The following ELP1 variants were observed in gnomAD, a reference collection of about 807,000 sequenced individuals.
ELP1 encodes the protein elongator acetyltransferase complex subunit 1.
ELP1 carries 131 observed loss-of-function variants against 183.2 expected under a neutral mutation model. The ratio of observed to expected loss-of-function variants is 0.72; its 90% CI spans 0.62 to 0.83. The LOEUF (loss-of-function observed/expected upper bound fraction) is 0.83. Ranked by LOEUF, ELP1 falls within the 40% of genes least tolerant of loss-of-function variation. The probability of loss-of-function intolerance (pLI) is 0.00; values close to 1 mark genes in which losing one functional copy is unlikely to be tolerated. For missense variants in ELP1, 1,550 were observed against 1,594.9 expected (o/e 0.97, Z 0.48); for synonymous variants, 555 against 569.0 (o/e 0.98, Z 0.35).
At chr9:108,909,264 T>C (rs907153848) in intron 12 of ELP1, among the ~76,000 whole-genome samples, 1 of 152,154 alleles carries the variant, frequency 6.6e-6, no homozygotes, top group Non-Finnish European at 1.5e-5. Flanking sequence ...ATTTAATTGA[T>C]ATCTTTTGTC....
chr9:108,905,870 C>CAT (rs767368677), intron 14 of ELP1, among the ~76,000 whole-genome samples: 1 of 33,706 alleles, frequency 3.0e-5, no homozygotes, highest in East Asian at 5.8e-4. Flanking sequence ...GGTATGTATA[C>CAT]ACACACACAC....
rs374849639 is a variant in ELP1, at chr9:108,869,207, T to C, written c.3932-25A>G. 6 of 1,603,716 alleles carry C rather than the reference T, an allele frequency of 3.7e-6. No homozygotes were observed. In the South Asian group the frequency reaches 4.4e-5, roughly 12 times the overall value. On this transcript the variant is annotated intron_variant, in intron 36 of 36. Coordinates refer to ENST00000374647, the MANE Select transcript of ELP1 (RefSeq NM_003640.5). Reference sequence around the variant, plus strand: ...TCTAAAAGCAAGAAAGGAAGGGAAATTGTGACAGACATACTCTTGTTGGAG... The same window carrying C: ...TCTAAAAGCAAGAAAGGAAGGGAAACTGTGACAGACATACTCTTGTTGGAG...
At chr9:108,929,714 A>T in intron 3 of ELP1, 55 bp downstream of exon 3, 2 of 1,564,444 alleles carry the variant, frequency 1.3e-6, no homozygotes, top group Non-Finnish European at 8.8e-7. Flanking sequence ...ACAAATAGCA[A>T]GTAACCTATT....
rs749704610 is a variant in ELP1, at chr9:108,906,460, G to C, written c.1486C>G (p.Gln496Glu). The C allele has an allele frequency of 3.1e-6, 5 of 1,613,760 alleles. No individual in the cohort carries two copies. Among genetic ancestry groups the C allele is most frequent in the African/African-American group, 1.3e-5 (1 of 74,994 alleles). ...YKIQFENNED[Q>E]DVNPLKLGLL... ...CCTAGTTTCAGCGGGTTTACATCTT[G>C]ATCTTCATTATTCTCAAACTGGATT... The change falls in exon 14 of 37, where the codon CAA becomes GAA. Residue 496 changes from glutamine (Q) to glutamate (E), a missense_variant. By Grantham distance (29) the Gln-to-Glu change is conservative. Coordinates refer to ENST00000374647, the MANE Select transcript of ELP1 (RefSeq NM_003640.5).
chr9:108,870,784 G>A (rs1827419375), intron 36 of ELP1, among the ~76,000 whole-genome samples: 1 of 152,076 alleles, frequency 6.6e-6, no homozygotes, highest in Non-Finnish European at 1.5e-5. Flanking sequence ...TGAATAATTG[G>A]AACCTTTGGA....
At chr9:108,901,249 G>C (rs1828792229) in intron 18 of ELP1, among the ~76,000 whole-genome samples, 176 bp downstream of exon 18, 1 of 152,158 alleles carries the variant, frequency 6.6e-6, no homozygotes, top group African/African-American at 2.4e-5. Flanking sequence ...AGTGCAGAAT[G>C]ATTTAACTGA....
At chr9:108,880,313 C>T (rs1221436668) in intron 31 of ELP1, 148 bp from the exon 32 acceptor site, 1 of 665,290 alleles carries the variant, frequency 1.5e-6, no homozygotes, top group South Asian at 1.6e-5. Flanking sequence ...CCTTAATAAG[C>T]ATTAACAAAT....
At chr9:108,930,186 T>C (rs1044120647) in intron 2 of ELP1, among the ~76,000 whole-genome samples, 7 of 152,230 alleles carry the variant, frequency 4.6e-5, no homozygotes, top group Middle Eastern at 6.8e-3. Flanking sequence ...TCCACTAAAA[T>C]ATGATGCTAA....
intron 5 of ELP1, among the ~76,000 whole-genome samples, chr9:108,923,486 G>C (rs1829729073): frequency 6.6e-6 from 1 of 152,156 alleles, no homozygotes; most frequent in South Asian, 2.1e-4. Context: ...CATATTCCAA[G>C]TTTCTTTGAT....
rs563873707 is a variant in ELP1, at chr9:108,869,696, G to C, written c.3932-514C>G. On this transcript the variant is annotated intron_variant, in intron 36 of 36. Coordinates refer to ENST00000374647, the MANE Select transcript of ELP1 (RefSeq NM_003640.5). ...GCTTTAAAAAAAGTGAATGGAGAGA[G>C]AGGGTTAGGAAAAGATTCTGTCATT... Among the ~76,000 whole-genome samples, 7 of 152,282 alleles carry C rather than the reference G, an allele frequency of 4.6e-5. No individual in the cohort carries two copies. The South Asian group carries it at 8.3e-4, about 18-fold the overall frequency.
At chr9:108,921,329 G>C (rs146270611) in intron 6 of ELP1, among the ~76,000 whole-genome samples, 2,392 of 151,654 alleles carry the variant, frequency 0.016, 31 homozygotes, top group Non-Finnish European at 0.025. Flanking sequence ...TGCCCCTTCT[G>C]GGCACTTCAT....
At chr9:108,892,100 A>G (rs991963633) in intron 27 of ELP1, among the ~76,000 whole-genome samples, 1 of 152,212 alleles carries the variant, frequency 6.6e-6, no homozygotes, top group African/African-American at 2.4e-5. Flanking sequence ...TAAGGAGCCC[A>G]CAGCCTGGTG....
chr9:108,898,470 A>C, intron 22 of ELP1, 32 bp downstream of exon 22: 1 of 1,306,424 alleles, frequency 7.7e-7, no homozygotes, highest in Non-Finnish European at 1.1e-6. Flanking sequence ...AAACTATGGA[A>C]AAGATACACA....
In ELP1 at chr9:108,933,870, A is replaced by AC. The variant is rs1830083737; in HGVS notation, c.-63dup. 6.5e-6 allele frequency: 1 copy of AC among 154,866 alleles called. No homozygotes were observed. The highest frequency in any genetic ancestry group is 2.4e-5 in the African/African-American group (1 of 41,322). The allele number at this position is 154,866 out of a possible 1,614,324, so 9.6% of individuals were successfully genotyped here. The stretch of plus-strand genomic sequence containing the variant: ...CCCTGGATGGATCGCTTACCTGAGG[A>AC]CCCCCAAACAGAGGTGCGTCCGGCC... On this transcript the variant is annotated 5_prime_UTR_variant, in exon 1 of 37. Coordinates refer to ENST00000374647, the MANE Select transcript of ELP1 (RefSeq NM_003640.5).
chr9:108,933,496 G>T (rs372255918), intron 1 of ELP1, among the ~76,000 whole-genome samples: 11 of 152,174 alleles, frequency 7.2e-5, no homozygotes, highest in African/African-American at 2.7e-4. Flanking sequence ...CCACCTCCAC[G>T]AAAAAGTCTC....
At chr9:108,896,735 T>C (rs1828563255) in intron 24 of ELP1, 91 bp from the exon 25 acceptor site, 1 of 1,300,208 alleles carries the variant, frequency 7.7e-7, no homozygotes, top group Non-Finnish European at 1.1e-6. Flanking sequence ...AATAAATTTT[T>C]CTCAATAGAA....
chr9:108,883,173 T>A (rs1396498101), intron 29 of ELP1, among the ~76,000 whole-genome samples: 2 of 152,150 alleles, frequency 1.3e-5, no homozygotes, highest in African/African-American at 2.4e-5. Flanking sequence ...ATAGTTTCGT[T>A]CTGGTTTTGA....
rs764894465 is a variant in ELP1, at chr9:108,880,017, C to G, written c.3460+35G>C. The stretch of plus-strand genomic sequence containing the variant: ...GTGTGGCGTTACCCAACCCCACTGC[C>G]CCCGCACGTCGATGGCCTTCACGCA... On this transcript the variant is annotated intron_variant, in intron 32 of 36. Transcript: ENST00000374647. 7 of 1,309,020 alleles carry G rather than the reference C, an allele frequency of 5.3e-6. No individual in the cohort carries two copies. In the Admixed American group the frequency reaches 1.2e-4, roughly 22 times the overall value. 81.1% of individuals were successfully genotyped at this position (1,309,020 alleles called of 1,614,324 possible).
rs945548702 is a variant in ELP1 at position 108,872,678 on chromosome 9, G to A, written c.3931+2217C>T. ...AAATTAGCCGGGCGTGATGGCGGGCGCCTGTAGTCCCAGCTACTCAGGAGG... is the reference window on the plus strand; with the variant it reads ...AAATTAGCCGGGCGTGATGGCGGGCACCTGTAGTCCCAGCTACTCAGGAGG... On this transcript the variant is annotated intron_variant, in intron 36 of 36. Coordinates refer to ENST00000374647, the MANE Select transcript of ELP1 (RefSeq NM_003640.5). Among the ~76,000 whole-genome samples the A allele has an allele frequency of 4.7e-5, 7 of 150,156 alleles. No individual in the cohort carries two copies. In the South Asian group the frequency reaches 6.3e-4, roughly 14 times the overall value.
Sources: allele counts gnomAD v4.1 joint callset (sites outside exome capture counted in the v4.1 genomes callset), GRCh38; gene constraint gnomAD v4.1.1; transcripts MANE v1.5; gene names NCBI Gene and HGNC (gene_info 2026-07-23, HGNC 2026-07-21).